The following CHODL variants were observed in gnomAD, a reference collection of about 807,000 sequenced individuals.
The protein encoded by CHODL is chondrolectin.
Under a neutral mutation model 34.5 loss-of-function variants are expected in CHODL, and 29 were observed. The observed-to-expected ratio is 0.84, with a 90% CI of 0.63 to 1.15. The LOEUF (loss-of-function observed/expected upper bound fraction) is 1.15, where lower values mean the gene tolerates loss of function less well. Ranked by LOEUF, CHODL falls within the 50% of genes most tolerant of loss-of-function variation. The probability of loss-of-function intolerance (pLI) is 0.00; values close to 1 mark genes in which losing one functional copy is unlikely to be tolerated. For missense variants in CHODL, 332 were observed against 332.5 expected, an observed-to-expected ratio of 1.00 and a Z score of 0.01; for synonymous variants, 125 against 116.1, an observed-to-expected ratio of 1.08 and a Z score of -0.49.
chr21:18,051,208 C>G (rs2064511346), intron 2 of CHODL, among the ~76,000 whole-genome samples: 1 of 151,890 alleles, frequency 6.6e-6, no homozygotes, highest in Admixed American at 6.6e-5. Flanking sequence ...TGTTAGTTTG[C>G]TGAGCATGAT....
intron 2 of CHODL, among the ~76,000 whole-genome samples, chr21:18,221,287 T>C (rs998073903): frequency 1.6e-4 from 24 of 152,172 alleles, no homozygotes; most frequent in African/African-American, 5.8e-4. Context: ...GATCATTGTT[T>C]TCCTGATTTT....
intron 2 of CHODL, among the ~76,000 whole-genome samples, chr21:18,108,872 T>TG (rs2065310894): frequency 4.7e-5 from 7 of 150,248 alleles, no homozygotes; most frequent in Admixed American, 6.6e-5. Context: ...TGTGTGTGTG[T>TG]TTCTTCTAAC....
intron 1 of CHODL, among the ~76,000 whole-genome samples, chr21:17,926,693 T>C (rs2063225881): frequency 6.6e-6 from 1 of 152,156 alleles, no homozygotes; most frequent in Admixed American, 6.5e-5. Flanking sequence ...TACCTCCACC[T>C]GGTCCCGCCC....
intron 2 of CHODL, among the ~76,000 whole-genome samples, chr21:18,215,036 C>A (rs1055127880): frequency 6.6e-6 from 1 of 151,954 alleles, no homozygotes; most frequent in African/African-American, 2.4e-5. Flanking sequence ...TGTAATAAAT[C>A]TAAGAAAAAT....
chr21:18,107,599 A>G (rs538597526), intron 2 of CHODL, among the ~76,000 whole-genome samples: 114 of 152,320 alleles, frequency 7.5e-4, no homozygotes, highest in African/African-American at 2.4e-3. Context: ...AAATGGGCCT[A>G]GTATGATCAG....
At chr21:18,119,910 T>C (rs2065459593) in intron 2 of CHODL, among the ~76,000 whole-genome samples, 1 of 152,096 alleles carries the variant, frequency 6.6e-6, no homozygotes, top group South Asian at 2.1e-4. Context: ...CGATTTTGAT[T>C]TTGTAGGATT....
At chr21:17,931,757 A>C (rs758324911) in intron 1 of CHODL, among the ~76,000 whole-genome samples, 9 of 152,212 alleles carry the variant, frequency 5.9e-5, no homozygotes, top group Non-Finnish European at 1.3e-4. Flanking sequence ...AAATACAGGC[A>C]TGAATGAAAC....
intron 2 of CHODL, among the ~76,000 whole-genome samples, chr21:18,049,645 A>G (rs934593124): frequency 6.6e-6 from 1 of 151,966 alleles, no homozygotes; most frequent in Admixed American, 6.6e-5. Context: ...TGGCTGGCAG[A>G]TGGCTGCCTC....
chr21:17,945,209 TAAAAAA>T (rs71189571), intron 1 of CHODL, among the ~76,000 whole-genome samples: 1 of 139,858 alleles, frequency 7.2e-6, no homozygotes, highest in African/African-American at 2.7e-5. Flanking sequence ...GAGACTCTGT[TAAAAAA>T]AAAAAAAAAA....
At chr21:18,265,274 T>TGG (rs2074443377) in intron 5 of CHODL, among the ~76,000 whole-genome samples, 1 of 122,482 alleles carries the variant, frequency 8.2e-6, no homozygotes, top group African/African-American at 4.3e-5. Context: ...TATATATATG[T>TGG]GTGTGTATAT....
At chr21:17,943,622 A>G (rs1270167679) in intron 1 of CHODL, among the ~76,000 whole-genome samples, 1 of 152,244 alleles carries the variant, frequency 6.6e-6, no homozygotes, top group East Asian at 1.9e-4. Context: ...TTCTTTCAAA[A>G]ACCGGAACAC....
At chr21:18,080,242 T>C (rs956954126) in intron 2 of CHODL, among the ~76,000 whole-genome samples, 1 of 152,196 alleles carries the variant, frequency 6.6e-6, no homozygotes, top group Non-Finnish European at 1.5e-5. Context: ...TAGCCCTTTG[T>C]TGGACGCATA....
chr21:18,100,689 T>C (rs962175244), intron 2 of CHODL, among the ~76,000 whole-genome samples: 3 of 152,126 alleles, frequency 2.0e-5, no homozygotes, highest in Non-Finnish European at 4.4e-5. Flanking sequence ...TGTGCATGTA[T>C]TGATTTGATA....
chr21:18,254,989 T>G (rs576348800), intron 1 of CHODL, among the ~76,000 whole-genome samples: 3 of 152,198 alleles, frequency 2.0e-5, no homozygotes, highest in African/African-American at 7.2e-5. Context: ...CTGGCCAATA[T>G]CTTGAAATAA....
In CHODL at chr21:18,212,064, C is replaced by T. The variant is rs1038365492; in HGVS notation, c.-44-44445C>T. Among the ~76,000 whole-genome samples, 59 of 152,062 alleles carry T rather than the reference C, an allele frequency of 3.9e-4. 1 individual carries two copies. Among genetic ancestry groups the T allele is most frequent in the Admixed American group, 3.8e-3 (58 of 15,264 alleles). On this transcript the variant is annotated intron_variant, in intron 2 of 6. Transcript: ENST00000400127. ...AAAAATAAAGCAGTAATTAATTTTG[C>T]TTTGGGGATGGGAATGGTCATTTAA...
intron 1 of CHODL, among the ~76,000 whole-genome samples, chr21:17,993,803 A>C (rs1051565808): frequency 6.6e-6 from 1 of 152,208 alleles, no homozygotes; most frequent in Non-Finnish European, 1.5e-5. Context: ...ACTGTTTTCA[A>C]CAATGATTGA....
intron 1 of CHODL, among the ~76,000 whole-genome samples, chr21:17,995,215 A>G (rs144414691): frequency 9.7e-4 from 148 of 152,216 alleles, no homozygotes; most frequent in Non-Finnish European, 1.9e-3. Context: ...GCCGTGCTGT[A>G]GCTGCTTGGG....
intron 1 of CHODL, among the ~76,000 whole-genome samples, chr21:18,022,015 C>T (rs1328560881): frequency 6.6e-6 from 1 of 152,156 alleles, no homozygotes; most frequent in African/African-American, 2.4e-5. Flanking sequence ...CCCCCGCCAC[C>T]AATGCCCCAG....
chr21:18,207,118 T>C (rs1306702390), intron 2 of CHODL, among the ~76,000 whole-genome samples: 1 of 152,038 alleles, frequency 6.6e-6, no homozygotes, highest in Non-Finnish European at 1.5e-5. Context: ...CCCACCTATG[T>C]GTGAGAACAT....
Sources: gnomAD v4.1 joint callset for allele counts (sites outside exome capture counted in the v4.1 genomes callset) on GRCh38, gnomAD v4.1.1 for gene constraint, MANE v1.5 for transcripts, NCBI Gene and HGNC (gene_info 2026-07-23, HGNC 2026-07-21) for gene names.